Variants in AFF4 observed in about 807,000 individuals in gnomAD.
AFF4 encodes AF4/FMR2 family member 4.
In AFF4, 13 loss-of-function variants were observed where a neutral mutation model predicts 124.8. The ratio of observed to expected loss-of-function variants is 0.10; its 90% confidence interval spans 0.07 to 0.17. The LOEUF (loss-of-function observed/expected upper bound fraction) is 0.17, where lower values mean the gene tolerates loss of function less well. Among genes scored for constraint, AFF4 ranks in the 10% least tolerant of loss-of-function variants. The pLI, the probability that AFF4 is intolerant of heterozygous loss-of-function variation, is 1.00. For synonymous variants in AFF4, 477 were observed against 496.1 expected (o/e 0.96, Z 0.51); for missense variants, 1,092 against 1,403.8 (o/e 0.78, Z 3.55).
At chr5:132,937,487 C>T (rs994128821) in intron 1 of AFF4, among the ~76,000 whole-genome samples, 4 of 152,216 alleles carry the variant, frequency 2.6e-5, no homozygotes, top group Non-Finnish European at 5.9e-5. Flanking sequence ...AAAACTTGTA[C>T]ATTCAGAGGG....
At position 132,896,662 on chromosome 5, in the gene AFF4, A is replaced by G. The variant is rs192660791; in HGVS notation, c.1968T>C (p.Ser656=). Reference sequence around the variant, plus strand: ...TTTGTGAGGAAGGAGGAAGGCTCTCACTTTCATCTGAATCTGAGGATGAGG... The same window carrying G: ...TTTGTGAGGAAGGAGGAAGGCTCTCGCTTTCATCTGAATCTGAGGATGAGG... ...TDTSSSDSDE[S]ESLPPSSQTP... Residue 656 remains serine (S), a synonymous_variant, in exon 11 of 21, where the codon AGT becomes AGC. Transcript: ENST00000265343. The G allele has an allele frequency of 3.0e-5, 48 of 1,614,034 alleles. No individual in the cohort carries two copies. In the Admixed American group the frequency reaches 8.0e-4, roughly 27 times the overall value.
chr5:132,904,187 ATCGAGGCTGCAGTGAGCT>A, intron 6 of AFF4, 163 bp downstream of exon 6: 1 of 470,092 alleles, frequency 2.1e-6, no homozygotes, highest in Non-Finnish European at 3.6e-6. Context: ...AGCCCTGGAG[ATCGAGGCTGCAGTGAGCT>A]ACGACCACAC....
intron 1 of AFF4, among the ~76,000 whole-genome samples, chr5:132,958,478 A>AAAAAAAAAAAAG: frequency 6.6e-6 from 1 of 150,720 alleles, no homozygotes; most frequent in African/African-American, 2.4e-5. Context: ...AAAAAAAAAA[A>AAAAAAAAAAAAG]AAAAAAAAAA....
At chr5:132,921,196 G>A (rs115118116) in intron 5 of AFF4, among the ~76,000 whole-genome samples, 3,362 of 151,476 alleles carry the variant, frequency 0.022, 132 homozygotes, top group African/African-American at 0.078. Flanking sequence ...CACCAAAGAT[G>A]GGCAAAATAT....
chr5:132,962,096 A>C (rs533547317), intron 1 of AFF4, among the ~76,000 whole-genome samples: 4 of 152,242 alleles, frequency 2.6e-5, no homozygotes, highest in Non-Finnish European at 2.9e-5. Flanking sequence ...CTCACAGACC[A>C]CAAAGGCTCT....
chr5:132,912,173 C>CAAAAA (rs1188332109), intron 5 of AFF4, among the ~76,000 whole-genome samples: 1 of 64,100 alleles, frequency 1.6e-5, no homozygotes, highest in Admixed American at 1.9e-4. Context: ...ACTAAAAATA[C>CAAAAA]AAAAAAAAAA....
At chr5:132,918,961 C>G (rs1462489314) in intron 5 of AFF4, among the ~76,000 whole-genome samples, 4 of 151,282 alleles carry the variant, frequency 2.6e-5, no homozygotes, top group Non-Finnish European at 1.5e-5. Context: ...ATCATCTTAG[C>G]TGACTGCAAC....
chr5:132,961,120 G>C (rs945246453), intron 1 of AFF4, among the ~76,000 whole-genome samples: 1 of 152,110 alleles, frequency 6.6e-6, no homozygotes, highest in African/African-American at 2.4e-5. Context: ...AACTACTCAG[G>C]AGGCTGAGGC....
intron 19 of AFF4, among the ~76,000 whole-genome samples, chr5:132,884,403 G>A (rs916878436): frequency 7.9e-5 from 12 of 151,840 alleles, no homozygotes; most frequent in South Asian, 2.1e-4. Flanking sequence ...CACCACACCC[G>A]GCTAATTTTT....
At chr5:132,926,249 C>A in intron 5 of AFF4, 2 of 474,234 alleles carry the variant, frequency 4.2e-6, no homozygotes, top group African/African-American at 2.0e-5. Context: ...ATGAAGGGGA[C>A]GGAATTGGGG....
rs1759950468 is a variant in AFF4, at chr5:132,880,611, A to G, written c.*448T>C. 2.8e-6 allele frequency: 1 copy of G among 355,978 alleles called. No individual in the cohort carries two copies. The highest frequency in any genetic ancestry group is 5.0e-6 in the Non-Finnish European group (1 of 199,626). The allele number at this position is 355,978 out of a possible 1,614,324, so 22.1% of individuals were successfully genotyped here. ...CTCTTAGAACAGCTACCACAAAAAG[A>G]TATTAGGTAATAAAGCTCCCAAGGT... On this transcript the variant is annotated 3_prime_UTR_variant, in exon 21 of 21. Transcript: ENST00000265343.
At chr5:132,890,372 C>T (rs535822214) in intron 13 of AFF4, among the ~76,000 whole-genome samples, 48 of 151,996 alleles carry the variant, frequency 3.2e-4, no homozygotes, top group African/African-American at 1.1e-3. Flanking sequence ...TGGGCTCAAG[C>T]GATCCTCCAG....
At chr5:132,909,184 T>C (rs1186016101) in intron 5 of AFF4, among the ~76,000 whole-genome samples, 1 of 150,692 alleles carries the variant, frequency 6.6e-6, no homozygotes, top group Non-Finnish European at 1.5e-5. Context: ...TCATACTTGT[T>C]GCTCAGGCTG....
In AFF4 at chr5:132,896,863, A is replaced by C; in HGVS notation, c.1767T>G (p.Pro589=). 1 of 1,614,070 alleles carries C rather than the reference A, an allele frequency of 6.2e-7. No individual in the cohort carries two copies. Among genetic ancestry groups the C allele is most frequent in the Non-Finnish European group, 8.5e-7 (1 of 1,180,018 alleles). The change falls in exon 11 of 21, where the codon CCT becomes CCG. Residue 589 remains proline, a synonymous_variant. Coordinates refer to ENST00000265343, the MANE Select transcript of AFF4 (RefSeq NM_014423.4). ...AGGGCATGCTGCTAGCCAAGTCTACAGGGGTTTCACTTTCTATCTTCAGGC... is the reference window on the plus strand; with the variant it reads ...AGGGCATGCTGCTAGCCAAGTCTACCGGGGTTTCACTTTCTATCTTCAGGC... ...RGGLKIESET[P]VDLASSMPSS...
intron 1 of AFF4, among the ~76,000 whole-genome samples, chr5:132,940,633 T>C (rs570053310): frequency 6.6e-6 from 1 of 152,348 alleles, no homozygotes; most frequent in East Asian, 1.9e-4. Context: ...TAAAATTCTT[T>C]CTGTAATTCA....
chr5:132,927,246 A>C, intron 4 of AFF4, 39 bp from the exon 5 acceptor site: 2 of 1,575,548 alleles, frequency 1.3e-6, no homozygotes, highest in Non-Finnish European at 1.7e-6. Flanking sequence ...CAACCAGGTC[A>C]AGGATAAAAA....
rs1759921649 is a variant in AFF4, at chr5:132,879,565, T to C, written c.*1494A>G. On this transcript the variant is annotated 3_prime_UTR_variant, in exon 21 of 21. Coordinates refer to ENST00000265343, the MANE Select transcript of AFF4 (RefSeq NM_014423.4). ...ATTATTGTAGAAGACCAATCATGTA[T>C]GGACGATCTGGTCCTAGTGTAAAAC... 4 of 205,648 alleles carry C rather than the reference T, an allele frequency of 1.9e-5. No homozygotes were observed. The highest frequency in any genetic ancestry group is 4.0e-5 in the Non-Finnish European group (4 of 100,324). The allele number at this position is 205,648 out of a possible 1,614,324, so 12.7% of individuals were successfully genotyped here.
chr5:132,906,331 A>G (rs559555786), intron 5 of AFF4, among the ~76,000 whole-genome samples: 7 of 152,352 alleles, frequency 4.6e-5, no homozygotes, highest in Admixed American at 2.0e-4. Flanking sequence ...AATATTATTC[A>G]TAACAGCCAA....
At chr5:132,892,063 T>TG in intron 13 of AFF4, 101 bp downstream of exon 13, 1 of 1,538,838 alleles carries the variant, frequency 6.5e-7, no homozygotes, top group East Asian at 2.2e-5. Context: ...GCCTATATAT[T>TG]TACTGAGATG....
Sources: gnomAD v4.1 joint callset for allele counts (sites outside exome capture counted in the v4.1 genomes callset) on GRCh38, gnomAD v4.1.1 for gene constraint, MANE v1.5 for transcripts, NCBI Gene and HGNC (gene_info 2026-07-23, HGNC 2026-07-21) for gene names.